HSPA4L: variants seen among roughly 807,000 people sequenced by gnomAD.
HSPA4L encodes heat shock protein family A (Hsp70) member 4 like, also known as heat shock 70 kDa protein 4L.
HSPA4L carries 48 observed loss-of-function variants against 100.3 expected under a neutral mutation model. The ratio of observed to expected loss-of-function variants is 0.48; its 90% CI spans 0.38 to 0.61. HSPA4L has a LOEUF of 0.61. Among genes scored for constraint, HSPA4L ranks in the 20% least tolerant of loss-of-function variants. The pLI is 0.00. For synonymous variants in HSPA4L, 319 were observed against 328.2 expected (o/e 0.97, Z 0.30); for missense variants, 886 against 988.6 (o/e 0.90, Z 1.39).
At chr4:127,789,416 G>A in intron 1 of HSPA4L, among the ~76,000 whole-genome samples, 1 of 152,202 alleles carries the variant, frequency 6.6e-6, no homozygotes, top group Non-Finnish European at 1.5e-5. Context: ...GGAGGCTGAG[G>A]CGGGCAGATC....
chr4:127,810,141 G>GA (rs953875812), intron 11 of HSPA4L, among the ~76,000 whole-genome samples: 6 of 151,032 alleles, frequency 4.0e-5, no homozygotes, highest in South Asian at 4.2e-4. Flanking sequence ...AAAAATAATA[G>GA]AAAAAAAAGG....
In HSPA4L at chr4:127,820,483, T is replaced by C; in HGVS notation, c.1730T>C (p.Val577Ala). 6.2e-7 allele frequency: 1 copy of C among 1,602,594 alleles called. No individual in the cohort carries two copies. Among genetic ancestry groups the C allele is most frequent in the South Asian group, 1.1e-5 (1 of 88,790 alleles). ...RLNQTLKKGK[V>A]KSIDLPIQSS... Reference sequence around the variant, plus strand: ...AATCAGACACTTAAAAAAGGAAAAGTCAAAAGTATTGATCTACCGATCCAG... The same window carrying C: ...AATCAGACACTTAAAAAAGGAAAAGCCAAAAGTATTGATCTACCGATCCAG... Residue 577 changes from valine (V) to alanine (A), a missense_variant, in exon 14 of 19, where the codon GTC (valine) becomes GCC (alanine). Physicochemically the swap from Val to Ala is moderately conservative, Grantham distance 64. Coordinates refer to ENST00000296464, the MANE Select transcript of HSPA4L (RefSeq NM_014278.4).
Position 127,818,440 on chromosome 4 carries a change from T to C in HSPA4L, c.1674+20T>C. On this transcript the variant is annotated intron_variant, in intron 13 of 18. Coordinates refer to ENST00000296464, the MANE Select transcript of HSPA4L (RefSeq NM_014278.4). ...ACAAAGGTTTGGTTTACTTTTTCTG[T>C]AGTTATGTCTTTTTGAAATTGATAT... 6.9e-7 allele frequency: 1 copy of C among 1,441,514 alleles called. No homozygotes were observed. Among genetic ancestry groups the C allele is most frequent in the Non-Finnish European group, 9.6e-7 (1 of 1,043,530 alleles). The allele number at this position is 1,441,514 out of a possible 1,614,324, so 89.3% of individuals were successfully genotyped here. A position where few individuals can be genotyped will look rare whatever the true frequency, so the allele number is the denominator to read the frequency against.
At chr4:127,789,995 A>G (rs532040012) in intron 1 of HSPA4L, among the ~76,000 whole-genome samples, 1 of 152,334 alleles carries the variant, frequency 6.6e-6, no homozygotes, top group South Asian at 2.1e-4. Context: ...TGGGTTTTCT[A>G]TGTATTTTAA....
chr4:127,798,479 G>A (rs1203809526), intron 3 of HSPA4L, 108 bp from the exon 4 acceptor site: 1 of 1,035,750 alleles, frequency 9.7e-7, no homozygotes, highest in Admixed American at 2.3e-5. Context: ...CCTTGAGCAA[G>A]GGTGTCTTTT....
intron 11 of HSPA4L, 56 bp from the exon 12 acceptor site, chr4:127,811,381 A>G: frequency 7.9e-7 from 1 of 1,260,130 alleles, no homozygotes. Flanking sequence ...TTATTCAATG[A>G]ATTGAATAAG....
At chr4:127,805,010 G>T (rs140293819) in intron 8 of HSPA4L, 63 bp from the exon 9 acceptor site, 3 of 1,111,098 alleles carry the variant, frequency 2.7e-6, no homozygotes, top group South Asian at 1.8e-5. Flanking sequence ...AAAAGTACTC[G>T]ACAAAGCCTT....
chr4:127,782,586 C>T lies in HSPA4L; in HGVS notation c.36C>T (p.Asn12=). ...TTGGCATTGACCTCGGCTTTCTCAA[C>T]TGCTACATTGCTGTCGCGAGAAGTG... ...SVVGIDLGFL[N]CYIAVARSGG... The change falls in exon 1 of 19, where the codon AAC becomes AAT. Residue 12 remains asparagine (N), a synonymous_variant. Coordinates refer to ENST00000296464, the MANE Select transcript of HSPA4L (RefSeq NM_014278.4). The T allele has an allele frequency of 6.2e-7, 1 of 1,614,198 alleles. No individual in the cohort carries two copies. Among genetic ancestry groups the T allele is most frequent in the Non-Finnish European group, 8.5e-7 (1 of 1,180,026 alleles).
intron 11 of HSPA4L, 79 bp from the exon 12 acceptor site, chr4:127,811,358 G>T: frequency 9.2e-7 from 1 of 1,086,890 alleles, no homozygotes; most frequent in South Asian, 1.4e-5. Context: ...ACATCTTAAA[G>T]ATGATAGCCA....
In HSPA4L at chr4:127,823,625, G is replaced by A; in HGVS notation, c.2046+1G>A. The A allele has an allele frequency of 1.9e-6, 3 of 1,600,580 alleles. No homozygotes were observed. Among genetic ancestry groups the A allele is most frequent in the Non-Finnish European group, 2.6e-6 (3 of 1,168,422 alleles). ...TGTGGATAAGCTTCAAGAACTAAAGGTACATTTTTTTAAAGTCCATGTTAG... is the reference window on the plus strand; with the variant it reads ...TGTGGATAAGCTTCAAGAACTAAAGATACATTTTTTTAAAGTCCATGTTAG... On this transcript the variant is annotated splice_donor_variant, in intron 16 of 18. Transcript: ENST00000296464. LOFTEE classifies it high-confidence loss of function.
chr4:127,782,574 C>T lies in HSPA4L; in HGVS notation c.24C>T (p.Leu8=). The T allele has an allele frequency of 9.3e-6, 15 of 1,614,116 alleles. No homozygotes were observed. Among genetic ancestry groups the T allele is most frequent in the Non-Finnish European group, 1.3e-5 (15 of 1,180,004 alleles). ...GGATGTCTGTGGTTGGCATTGACCT[C>T]GGCTTTCTCAACTGCTACATTGCTG... MSVVGID[L]GFLNCYIAVA... The change falls in exon 1 of 19, where the codon CTC becomes CTT. Residue 8 remains leucine, a synonymous_variant. Transcript: ENST00000296464.
intron 9 of HSPA4L, 150 bp downstream of exon 9, chr4:127,805,374 TC>T: frequency 1.6e-6 from 1 of 618,156 alleles, no homozygotes; most frequent in East Asian, 2.8e-5. Flanking sequence ...CTTATGTCTT[TC>T]CCATTTATGT....
chr4:127,783,291 C>T (rs1732618589), intron 1 of HSPA4L, among the ~76,000 whole-genome samples: 1 of 151,734 alleles, frequency 6.6e-6, no homozygotes, highest in South Asian at 2.1e-4. Flanking sequence ...GTCAATGGTG[C>T]ATTGATAGGG....
At chr4:127,800,426 C>T (rs938006514) in intron 4 of HSPA4L, among the ~76,000 whole-genome samples, 1 of 152,050 alleles carries the variant, frequency 6.6e-6, no homozygotes, top group Non-Finnish European at 1.5e-5. Flanking sequence ...TATGATTGTA[C>T]CACTGCACTT....
At chr4:127,798,930 A>G (rs569576060) in intron 4 of HSPA4L, among the ~76,000 whole-genome samples, 2 of 152,288 alleles carry the variant, frequency 1.3e-5, no homozygotes, top group Admixed American at 1.3e-4. Context: ...AAAAACTGTT[A>G]TGTAACTAGT....
At position 127,798,686 on chromosome 4, in the gene HSPA4L, C is replaced by T. The variant is rs953381903; in HGVS notation, c.406C>T (p.Pro136Ser). 1 of 1,613,578 alleles carries T rather than the reference C, an allele frequency of 6.2e-7. No individual in the cohort carries two copies. Among genetic ancestry groups the T allele is most frequent in the South Asian group, 1.1e-5 (1 of 91,056 alleles). Residue 136 changes from proline (P) to serine (S), a missense_variant, in exon 4 of 19, where the codon CCA becomes TCA. Transcript: ENST00000296464. Reference protein sequence around the residue: ...KETSENALKKPVADCVISIPS... With the variant: ...KETSENALKKSVADCVISIPS... ...GACTTCAGAAAATGCTTTGAAGAAA[C>T]CAGTGGCTGACTGTGTGATTTCAGT... is the stretch of plus-strand genomic sequence containing the variant.
intron 18 of HSPA4L, 98 bp from the exon 19 acceptor site, chr4:127,832,585 A>G: frequency 9.5e-7 from 1 of 1,047,760 alleles, no homozygotes; most frequent in Non-Finnish European, 1.4e-6. Flanking sequence ...GAAAGGGGGA[A>G]TTATGTGAAA....
chr4:127,827,996 A>G (rs1733990715), intron 17 of HSPA4L, among the ~76,000 whole-genome samples: 1 of 152,114 alleles, frequency 6.6e-6, no homozygotes, highest in African/African-American at 2.4e-5. Flanking sequence ...TGAGAAAATT[A>G]AGCTTATTGT....
chr4:127,800,281 G>A (rs1460937300), intron 4 of HSPA4L, among the ~76,000 whole-genome samples: 1 of 152,038 alleles, frequency 6.6e-6, no homozygotes, highest in Non-Finnish European at 1.5e-5. Flanking sequence ...CAACCATAGT[G>A]AGACCCGTCT....
Sources: gnomAD v4.1 joint callset for allele counts (sites outside exome capture counted in the v4.1 genomes callset) on GRCh38, gnomAD v4.1.1 for gene constraint, MANE v1.5 for transcripts, NCBI Gene and HGNC (gene_info 2026-07-23, HGNC 2026-07-21) for gene names.